The following SHANK2 variants were observed in gnomAD, a reference collection of about 807,000 sequenced individuals.
The protein encoded by SHANK2 is SH3 and multiple ankyrin repeat domains protein 2.
Under a neutral mutation model 133.7 loss-of-function variants are expected in SHANK2, and 43 were observed. That is an observed-to-expected ratio of 0.32 (90% CI 0.25 to 0.41). The LOEUF is 0.41. Among genes scored for constraint, SHANK2 ranks in the 10% least tolerant of loss-of-function variants. The probability of loss-of-function intolerance (pLI) is 1.00; values close to 1 mark genes in which losing one functional copy is unlikely to be tolerated. For missense variants in SHANK2, 1,994 were observed against 2,235.8 expected, an observed-to-expected ratio of 0.89 and a Z score of 2.18; for synonymous variants, 1,017 against 952.8, an observed-to-expected ratio of 1.07 and a Z score of -1.24.
At chr11:71,153,146 G>T (rs1194988552) in intron 2 of SHANK2, among the ~76,000 whole-genome samples, 1 of 152,144 alleles carries the variant, frequency 6.6e-6, no homozygotes, top group East Asian at 1.9e-4. Flanking sequence ...ACGCCGGGAG[G>T]CTCCGCAGAG....
intron 2 of SHANK2, among the ~76,000 whole-genome samples, chr11:71,192,648 C>T (rs961457564): frequency 6.6e-6 from 1 of 152,184 alleles, no homozygotes; most frequent in African/African-American, 2.4e-5. Context: ...GGAAAAGCCT[C>T]GCCTTTCCCA....
At chr11:71,116,422 T>G (rs1469311933) in intron 4 of SHANK2, among the ~76,000 whole-genome samples, 1 of 152,208 alleles carries the variant, frequency 6.6e-6, no homozygotes, top group Non-Finnish European at 1.5e-5. Flanking sequence ...GTAGCAAGCC[T>G]GGGTGAGAGA....
chr11:71,181,816 TC>T (rs1254607044), intron 2 of SHANK2, among the ~76,000 whole-genome samples: 4 of 150,856 alleles, frequency 2.7e-5, no homozygotes, highest in African/African-American at 4.8e-5. Context: ...ATGTTCAGGT[TC>T]CCAGCCCCCC....
intron 2 of SHANK2, among the ~76,000 whole-genome samples, chr11:71,214,504 G>A (rs1954359050): frequency 6.6e-6 from 1 of 152,212 alleles, no homozygotes; most frequent in Admixed American, 6.5e-5. Flanking sequence ...AGCTTTGCTT[G>A]AGAAAACGAC....
At chr11:70,785,752 C>T (rs1314857119) in intron 14 of SHANK2, among the ~76,000 whole-genome samples, 3 of 152,144 alleles carry the variant, frequency 2.0e-5, no homozygotes, top group Non-Finnish European at 2.9e-5. Context: ...ACAGGGGGTG[C>T]AGTGACAAAG....
intron 10 of SHANK2, among the ~76,000 whole-genome samples, chr11:70,928,102 C>G (rs1389257704): frequency 6.6e-6 from 1 of 151,954 alleles, no homozygotes; most frequent in African/African-American, 2.4e-5. Context: ...ATACATGTAT[C>G]TTATTGGTTC....
At chr11:70,832,640 G>T (rs1948742447) in intron 11 of SHANK2, among the ~76,000 whole-genome samples, 1 of 152,180 alleles carries the variant, frequency 6.6e-6, no homozygotes, top group Non-Finnish European at 1.5e-5. Flanking sequence ...ACTTTACTAG[G>T]TTCACCAGGC....
intron 2 of SHANK2, among the ~76,000 whole-genome samples, chr11:71,191,608 G>T (rs1156331427): frequency 6.6e-6 from 1 of 152,148 alleles, no homozygotes; most frequent in African/African-American, 2.4e-5. Context: ...CACCCAGACT[G>T]GAGTGCAATG....
At chr11:70,894,250 C>T (rs1949898256) in intron 11 of SHANK2, among the ~76,000 whole-genome samples, 1 of 152,096 alleles carries the variant, frequency 6.6e-6, no homozygotes, top group African/African-American at 2.4e-5. Flanking sequence ...GGCTGTAGTG[C>T]AGTCTCGGCT....
chr11:71,212,244 C>T (rs1954297928), intron 2 of SHANK2, among the ~76,000 whole-genome samples: 1 of 152,148 alleles, frequency 6.6e-6, no homozygotes, highest in Non-Finnish European at 1.5e-5. Context: ...TTAGAGACTC[C>T]TCATGGTTCA....
intron 6 of SHANK2, 101 bp downstream of exon 6, chr11:71,109,840 A>T: frequency 1.3e-6 from 1 of 753,420 alleles, no homozygotes; most frequent in Non-Finnish European, 2.3e-6. Flanking sequence ...AAAACCAAGT[A>T]AAAGGTAACT....
intron 17 of SHANK2, among the ~76,000 whole-genome samples, chr11:70,623,550 A>G (rs759211083): frequency 8.5e-5 from 13 of 152,158 alleles, no homozygotes; most frequent in Non-Finnish European, 1.3e-4. Flanking sequence ...ACTGGCTGGA[A>G]GGAAGGAAGG....
chr11:70,490,446 C>T (rs1255574174), intron 22 of SHANK2, 59 bp from the exon 23 acceptor site: 45 of 1,428,680 alleles, frequency 3.1e-5, no homozygotes, highest in South Asian at 1.6e-4. Context: ...CCCACGGTCA[C>T]AGGGCCCAGA....
chr11:71,062,198 T>C (rs1307134549), intron 9 of SHANK2, among the ~76,000 whole-genome samples: 3 of 152,120 alleles, frequency 2.0e-5, no homozygotes, highest in African/African-American at 7.2e-5. Flanking sequence ...TCAAGCAATC[T>C]GTCCACCGTG....
chr11:70,555,380 G>A (rs1457926430), intron 17 of SHANK2, among the ~76,000 whole-genome samples: 2 of 152,264 alleles, frequency 1.3e-5, no homozygotes, highest in Non-Finnish European at 2.9e-5. Flanking sequence ...GAGACAGGCT[G>A]AAAGCTAGGC....
At position 70,807,857 on chromosome 11, in the gene SHANK2, GGCTACA is replaced by G. The variant is rs1555052335; in HGVS notation, c.1494-692_1494-687del. On this transcript the variant is annotated intron_variant, in intron 12 of 25. Transcript: ENST00000601538. The surrounding 1 kb of genome is among the most constrained non-coding windows in gnomAD (Gnocchi z 4.8). Reference sequence around the variant, plus strand: ...AAAAAAAAAAGTAAACTGTGACACAGGCTACACCATGGGTGAACCTTGGGGACACTG... The same window carrying G: ...AAAAAAAAAAGTAAACTGTGACACAGCCATGGGTGAACCTTGGGGACACTG... 6.6e-6 allele frequency among the ~76,000 whole-genome samples: 1 copy of G among 151,946 alleles called. No individual in the cohort carries two copies. The highest frequency in any genetic ancestry group is 2.4e-5 in the African/African-American group (1 of 41,356).
chr11:71,071,655 A>G (rs1237663658), intron 9 of SHANK2, among the ~76,000 whole-genome samples: 1 of 152,188 alleles, frequency 6.6e-6, no homozygotes, highest in African/African-American at 2.4e-5. Flanking sequence ...TGAAGGATGC[A>G]TAGGAGTTTT....
intron 3 of SHANK2, among the ~76,000 whole-genome samples, chr11:71,144,946 C>T (rs1383068231): frequency 9.2e-5 from 14 of 152,228 alleles, no homozygotes; most frequent in African/African-American, 2.4e-4. Flanking sequence ...AGGGACGTGT[C>T]GGAACAGGGC....
chr11:71,194,346 G>T (rs527249166), intron 2 of SHANK2, among the ~76,000 whole-genome samples: 12 of 152,332 alleles, frequency 7.9e-5, no homozygotes, highest in South Asian at 6.2e-4. Flanking sequence ...TGACAGCTGA[G>T]ACCTGGGGAC....
Sources: gnomAD v4.1 joint callset for allele counts (sites outside exome capture counted in the v4.1 genomes callset) on GRCh38, gnomAD v4.1.1 for gene constraint, Gnocchi (gnomAD v3.1) non-coding constraint, MANE v1.5 for transcripts, NCBI Gene and HGNC (gene_info 2026-07-23, HGNC 2026-07-21) for gene names.